The following PTPRD variants were observed in gnomAD, a reference collection of about 807,000 sequenced individuals.
PTPRD encodes the protein protein tyrosine phosphatase receptor type D, also known as receptor-type tyrosine-protein phosphatase delta.
A neutral mutation model predicts 214.5 loss-of-function variants in PTPRD; 34 were observed. The ratio of observed to expected loss-of-function variants is 0.16; its 90% confidence interval spans 0.12 to 0.21. The LOEUF is 0.21. PTPRD is among the 10% of genes least tolerant of loss of function. The probability of loss-of-function intolerance (pLI) is 1.00; values close to 1 mark genes in which losing one functional copy is unlikely to be tolerated. For synonymous variants in PTPRD, 1,128 were observed against 845.7 expected (o/e 1.33, Z -5.79); for missense variants, 2,545 against 2,398.7 (o/e 1.06, Z -1.27).
At chr9:10,219,867 C>A (rs1305348108) in intron 3 of PTPRD, among the ~76,000 whole-genome samples, 1 of 151,322 alleles carries the variant, frequency 6.6e-6, no homozygotes, top group Non-Finnish European at 1.5e-5. Flanking sequence ...ATGAACAAAG[C>A]CAGAAAGATT....
intron 5 of PTPRD, among the ~76,000 whole-genome samples, chr9:9,896,485 T>G (rs1271056843): frequency 6.6e-6 from 1 of 152,086 alleles, no homozygotes; most frequent in African/African-American, 2.4e-5. Flanking sequence ...TAGCATAACT[T>G]CTGGGAAATA....
At chr9:8,635,840 T>C (rs1482864010) in intron 13 of PTPRD, among the ~76,000 whole-genome samples, 2 of 152,146 alleles carry the variant, frequency 1.3e-5, no homozygotes, top group African/African-American at 4.8e-5. Flanking sequence ...GCCCATAATC[T>C]GTGTAGCTTT....
At chr9:9,777,873 C>T (rs1205061565) in intron 5 of PTPRD, among the ~76,000 whole-genome samples, 2 of 152,062 alleles carry the variant, frequency 1.3e-5, no homozygotes, top group African/African-American at 4.8e-5. Context: ...ACATCATACC[C>T]TTCAACACAA....
chr9:8,442,395 G>T (rs2095576823), intron 34 of PTPRD, among the ~76,000 whole-genome samples: 1 of 151,306 alleles, frequency 6.6e-6, no homozygotes, highest in South Asian at 2.1e-4. Context: ...TAACTATTCT[G>T]CTAAGTAGAG....
chr9:8,839,927 A>T (rs2097526220), intron 11 of PTPRD, among the ~76,000 whole-genome samples: 1 of 152,208 alleles, frequency 6.6e-6, no homozygotes, highest in Non-Finnish European at 1.5e-5. Flanking sequence ...CTGAATAGCA[A>T]ATTCACCATA....
At chr9:8,446,295 T>A (rs891235528) in intron 34 of PTPRD, among the ~76,000 whole-genome samples, 12 of 152,350 alleles carry the variant, frequency 7.9e-5, no homozygotes, top group African/African-American at 2.9e-4. Context: ...GGAAAAAAGA[T>A]CTGACTTCTT....
At chr9:8,324,983 G>A (rs142363062) in intron 44 of PTPRD, among the ~76,000 whole-genome samples, 5,200 of 152,102 alleles carry the variant, frequency 0.034, 303 homozygotes, top group African/African-American at 0.12. Context: ...GTTCTTTGTA[G>A]ATTCTGGATA....
chr9:10,348,820 C>A (rs553009142), intron 2 of PTPRD, among the ~76,000 whole-genome samples: 45 of 152,240 alleles, frequency 3.0e-4, no homozygotes, highest in African/African-American at 1.1e-3. Flanking sequence ...GCAAGCCTGC[C>A]TGCTATTTTG....
chr9:9,367,899 A>C (rs1225585400), intron 9 of PTPRD, among the ~76,000 whole-genome samples: 1 of 151,762 alleles, frequency 6.6e-6, no homozygotes, highest in African/African-American at 2.4e-5. Flanking sequence ...TGTCTCTTCC[A>C]AACCCTGTCA....
intron 11 of PTPRD, among the ~76,000 whole-genome samples, chr9:8,889,635 C>G (rs1346010226): frequency 2.0e-5 from 3 of 149,550 alleles, no homozygotes; most frequent in Non-Finnish European, 3.0e-5. Flanking sequence ...CCCCCAAGTC[C>G]CCAAAGTTCA....
At chr9:8,906,371 G>C (rs1163622872) in intron 11 of PTPRD, among the ~76,000 whole-genome samples, 1 of 152,114 alleles carries the variant, frequency 6.6e-6, no homozygotes, top group Non-Finnish European at 1.5e-5. Context: ...ACTGTAGATA[G>C]ATTCTGACTT....
At chr9:9,610,456 G>A (rs1014902817) in intron 7 of PTPRD, among the ~76,000 whole-genome samples, 7 of 152,136 alleles carry the variant, frequency 4.6e-5, no homozygotes, top group African/African-American at 1.4e-4. Flanking sequence ...TCATGCTAGG[G>A]TAACCAATTC....
At chr9:9,322,000 C>CT (rs1164640746) in intron 9 of PTPRD, among the ~76,000 whole-genome samples, 2 of 152,144 alleles carry the variant, frequency 1.3e-5, no homozygotes, top group African/African-American at 4.8e-5. Context: ...GTATTACAGT[C>CT]TTAAAAGTAT....
At position 9,429,682 on chromosome 9, in the gene PTPRD, A is replaced by G. The variant is rs1454691281; in HGVS notation, c.-236-32200T>C. 2.0e-5 allele frequency among the ~76,000 whole-genome samples: 3 copies of G among 152,216 alleles called. No individual in the cohort carries two copies. The East Asian group carries it at 5.8e-4, about 29-fold the overall frequency. On this transcript the variant is annotated intron_variant, in intron 8 of 45. Coordinates refer to ENST00000381196, the MANE Select transcript of PTPRD (RefSeq NM_002839.4). ...ATACTGGCAAACCGAATCCAGCAGC[A>G]CATCAAAAAGCTTATCCACCATGAT... is the stretch of plus-strand genomic sequence containing the variant.
At chr9:8,997,436 G>A (rs1016623217) in intron 11 of PTPRD, among the ~76,000 whole-genome samples, 5 of 151,930 alleles carry the variant, frequency 3.3e-5, no homozygotes, top group African/African-American at 1.2e-4. Context: ...TGCGATCACT[G>A]ATCTCTGATG....
At chr9:8,546,883 C>T (rs576339263) in intron 14 of PTPRD, among the ~76,000 whole-genome samples, 1 of 152,302 alleles carries the variant, frequency 6.6e-6, no homozygotes, top group East Asian at 1.9e-4. Context: ...CTCTTTCTCA[C>T]GTCTAGAGAT....
chr9:8,792,915 A>G (rs780350000), intron 11 of PTPRD, among the ~76,000 whole-genome samples: 116 of 152,218 alleles, frequency 7.6e-4, no homozygotes, highest in African/African-American at 1.9e-3. Flanking sequence ...GCTACTTCAC[A>G]TTTACAAAAT....
chr9:10,245,802 T>C (rs972457298), intron 3 of PTPRD, among the ~76,000 whole-genome samples: 1 of 152,008 alleles, frequency 6.6e-6, no homozygotes, highest in African/African-American at 2.4e-5. Context: ...TGAGGCAATA[T>C]ATGAAGGGTG....
At chr9:8,762,480 A>G (rs943786296) in intron 11 of PTPRD, among the ~76,000 whole-genome samples, 1 of 152,214 alleles carries the variant, frequency 6.6e-6, no homozygotes, top group Non-Finnish European at 1.5e-5. Flanking sequence ...TCTTAATTTA[A>G]TTCAATTTCA....
Sources: allele counts gnomAD v4.1 joint callset (sites outside exome capture counted in the v4.1 genomes callset), GRCh38; gene constraint gnomAD v4.1.1; transcripts MANE v1.5; gene names NCBI Gene and HGNC (gene_info 2026-07-23, HGNC 2026-07-21).